The following MAPK8IP2 variants were observed in gnomAD, a reference collection of about 807,000 sequenced individuals.
The protein encoded by MAPK8IP2 is C-Jun-amino-terminal kinase-interacting protein 2.
Under a neutral mutation model 75.6 loss-of-function variants are expected in MAPK8IP2, and 15 were observed. The observed-to-expected ratio is 0.20, with a 90% CI of 0.13 to 0.31. MAPK8IP2 has a LOEUF of 0.31. Among genes scored for constraint, MAPK8IP2 ranks in the 10% least tolerant of loss-of-function variants. The pLI is 1.00. For synonymous variants in MAPK8IP2, 632 were observed against 554.5 expected (o/e 1.14, Z -1.96); for missense variants, 1,089 against 1,211.2 (o/e 0.90, Z 1.50).
At chr22:50,602,959 T>C (rs1189218443) in intron 2 of MAPK8IP2, among the ~76,000 whole-genome samples, 1 of 152,214 alleles carries the variant, frequency 6.6e-6, no homozygotes, top group Non-Finnish European at 1.5e-5. Flanking sequence ...GTTCTGCAGT[T>C]AGATGAGTCT....
chr22:50,603,709 G>A lies in MAPK8IP2; in HGVS notation c.531G>A (p.Glu177=). The change falls in exon 4 of 12, where the codon GAG becomes GAA. Residue 177 remains glutamate, a synonymous_variant. Coordinates refer to ENST00000329492, the MANE Select transcript of MAPK8IP2 (RefSeq NM_012324.6). ...QETALCSPAP[E]ALRELPGPLP... is the part of the protein sequence containing the mutation. ...CAGCGCTATGCTCACCCGCCCCGGA[G>A]GCCCTCAGAGGTGAGGGGTGGTGGG... The A allele has an allele frequency of 6.4e-7, 1 of 1,570,114 alleles. No individual in the cohort carries two copies. The highest frequency in any genetic ancestry group is 8.6e-7 in the Non-Finnish European group (1 of 1,157,780).
At position 50,601,621 on chromosome 22, in the gene MAPK8IP2, G is replaced by A. The variant is rs149154657; in HGVS notation, c.66-168G>A. ...CTCAGATGGGGGAGGGGATCCACAG[G>A]CGAGCAGAGCTTGGGGGTCAAGATG... On this transcript the variant is annotated intron_variant, in intron 1 of 11. Transcript: ENST00000329492. 4.4e-3 allele frequency among the ~76,000 whole-genome samples: 670 copies of A among 152,286 alleles called. 33 individuals carry two copies. In the East Asian group the frequency reaches 0.11, roughly 26 times the overall value.
chr22:50,605,682 G>A lies in MAPK8IP2; in HGVS notation c.1962G>A (p.Val654=). 6.2e-7 allele frequency: 1 copy of A among 1,612,534 alleles called. No homozygotes were observed. The highest frequency in any genetic ancestry group is 8.5e-7 in the Non-Finnish European group (1 of 1,179,630). ...ACATGCGCACGGGGGAGCGCGGTGT[G>A]TTTCCTGCCTTCTACGCCCATGCGG... ...GFNMRTGERG[V]FPAFYAHAVP... The change falls in exon 7 of 12, where the codon GTG becomes GTA. Residue 654 remains valine, a synonymous_variant. Coordinates refer to ENST00000329492, the MANE Select transcript of MAPK8IP2 (RefSeq NM_012324.6).
Position 50,601,784 on chromosome 22 carries a change from T to C in MAPK8IP2, c.66-5T>C. On this transcript the variant is annotated splice_region_variant and splice_polypyrimidine_tract_variant and intron_variant, in intron 1 of 11. Transcript: ENST00000329492. ...GTGGCTCTCTGACCCTGGTCTCCTT[T>C]CCAGGCCTCCCCAGGACATAAGCCT... 5 of 1,612,788 alleles carry C rather than the reference T, an allele frequency of 3.1e-6. No homozygotes were observed. The highest frequency in any genetic ancestry group is 1.7e-4 in the Middle Eastern group (1 of 5,766).
In MAPK8IP2 at chr22:50,603,873, G is replaced by A. The variant is rs1244650444; in HGVS notation, c.574G>A (p.Gly192Arg). The A allele has an allele frequency of 6.5e-7, 1 of 1,533,834 alleles. No individual in the cohort carries two copies. Among genetic ancestry groups the A allele is most frequent in the Non-Finnish European group, 8.8e-7 (1 of 1,142,460 alleles). The change falls in exon 5 of 12, where the codon GGG becomes AGG. Residue 192 changes from glycine to arginine, a missense_variant. Gly to Arg is a moderately radical substitution (Grantham distance 125). Coordinates refer to ENST00000329492, the MANE Select transcript of MAPK8IP2 (RefSeq NM_012324.6). ...LPGPLPATDT[G>R]PGGAQSPVRP... is the part of the protein sequence containing the mutation. ...GGGCCCCCTCCCTGCCACGGACACC[G>A]GGCCCGGCGGGGCGCAGTCGCCAGT...
In MAPK8IP2 at chr22:50,605,932, A is replaced by G; in HGVS notation, c.2122A>G (p.Lys708Glu). ...CGGCATCCTGTGTGCAGCCATGCAG[A>G]AGGTCAGTGTGGAGGCCGGGCAAGT... ...GNGILCAAMQ[K>E]IATARKLTVH... Residue 708 changes from lysine (K) to glutamate (E), a missense_variant and splice_region_variant, in exon 8 of 12, where the codon AAG becomes GAG. Physicochemically the swap from Lys to Glu is moderately conservative, Grantham distance 56. This residue lies in a region of MAPK8IP2 where 129 missense variants were observed against 201.7 expected (regional missense o/e 0.64). Transcript: ENST00000329492. The G allele has an allele frequency of 6.4e-7, 1 of 1,569,828 alleles. No individual in the cohort carries two copies. Among genetic ancestry groups the G allele is most frequent in the Non-Finnish European group, 8.6e-7 (1 of 1,160,328 alleles).
In MAPK8IP2 at chr22:50,610,108, T is replaced by A; in HGVS notation, c.2304-104T>A. On this transcript the variant is annotated intron_variant, in intron 10 of 11. Transcript: ENST00000329492. The surrounding 1 kb of genome is among the most constrained non-coding windows in gnomAD (Gnocchi z 4.3). ...ACCCCCACACTCCTGTCCCTTACCC[T>A]CTCCCCAAGCCCTTTGTTCCTGCCT... The A allele has an allele frequency of 1.2e-6, 1 of 831,644 alleles. No individual in the cohort carries two copies. Among genetic ancestry groups the A allele is most frequent in the South Asian group, 1.4e-5 (1 of 69,662 alleles). The allele number at this position is 831,644 out of a possible 1,614,324, so 51.5% of individuals were successfully genotyped here. A position where few individuals can be genotyped will look rare whatever the true frequency, so the allele number is the denominator to read the frequency against.
intron 10 of MAPK8IP2, among the ~76,000 whole-genome samples, chr22:50,609,442 A>T (rs2071107642): frequency 1.3e-5 from 2 of 152,172 alleles, no homozygotes; most frequent in South Asian, 4.1e-4. Context: ...GCTTATTACC[A>T]TCATGACTTG....
At position 50,607,979 on chromosome 22, in the gene MAPK8IP2, G is replaced by A. The variant is rs746482560; in HGVS notation, c.2303+988G>A. 4.3e-4 allele frequency among the ~76,000 whole-genome samples: 66 copies of A among 152,178 alleles called. No homozygotes were observed. Among genetic ancestry groups the A allele is most frequent in the Non-Finnish European group, 8.4e-4 (57 of 68,020 alleles). Reference sequence around the variant, plus strand: ...AGCACCCTAGAGGAAGGAGATCTGGGAGGAACCAGAGAGGCAGAGCCAGCC... The same window carrying A: ...AGCACCCTAGAGGAAGGAGATCTGGAAGGAACCAGAGAGGCAGAGCCAGCC... On this transcript the variant is annotated intron_variant, in intron 10 of 11. Transcript: ENST00000329492. The surrounding 1 kb of genome is among the most constrained non-coding windows in gnomAD (Gnocchi z 5.6).
Position 50,607,104 on chromosome 22 carries a change from C to T in MAPK8IP2, c.2303+113C>T. 3.7e-6 allele frequency: 3 copies of T among 807,766 alleles called. No individual in the cohort carries two copies. The South Asian group carries it at 4.4e-5, about 12-fold the overall frequency. The allele number at this position is 807,766 out of a possible 1,614,324, so 50.0% of individuals were successfully genotyped here. A position where few individuals can be genotyped will look rare whatever the true frequency, so the allele number is the denominator to read the frequency against. On this transcript the variant is annotated intron_variant, in intron 10 of 11. Transcript: ENST00000329492. This position sits in a 1 kb window ranked among gnomAD's most constrained non-coding sequence, Gnocchi z 5.6. ...GGCTGCCCGTGCCCAGCCCTGAGAG[C>T]TCCACCTGCACCCACTTAGCTCTGT...
rs530035375 is a variant in MAPK8IP2 at position 50,605,384 on chromosome 22, C to T, written c.1782C>T (p.Gly594=). 6 of 1,613,596 alleles carry T rather than the reference C, an allele frequency of 3.7e-6. No homozygotes were observed. In the Admixed American group the frequency reaches 6.7e-5, roughly 18 times the overall value. ...TSRSSSTESF[G]LFSCLVNGEE... ...GTCTCCCAGGCACCGAGTCCTTTGG[C>T]CTTTTCTCCTGTCTGGTCAACGGCG... The change falls in exon 6 of 12, where the codon GGC becomes GGT. Residue 594 remains glycine (G), a synonymous_variant. Coordinates refer to ENST00000329492, the MANE Select transcript of MAPK8IP2 (RefSeq NM_012324.6).
Position 50,610,973 on chromosome 22 carries a change from G to T in MAPK8IP2, c.*194G>T. The T allele has an allele frequency of 3.6e-6, 2 of 552,226 alleles. No homozygotes were observed. The highest frequency in any genetic ancestry group is 6.5e-6 in the Non-Finnish European group (2 of 308,774). The allele number at this position is 552,226 out of a possible 1,614,324, so 34.2% of individuals were successfully genotyped here. A position where few individuals can be genotyped will look rare whatever the true frequency, so the allele number is the denominator to read the frequency against. ...GCTGTTGGGGCTGCGGGGGAGTGGA[G>T]CCCCCGTGCCCCTGCTTTTCCTCAG... On this transcript the variant is annotated 3_prime_UTR_variant, in exon 12 of 12. Transcript: ENST00000329492. This position sits in a 1 kb window ranked among gnomAD's most constrained non-coding sequence, Gnocchi z 4.3.
rs2071148587 is a variant in MAPK8IP2, at chr22:50,611,419, G to T, written c.*640G>T. 6.6e-6 allele frequency: 1 copy of T among 152,122 alleles called. No homozygotes were observed. The highest frequency in any genetic ancestry group is 6.5e-5 in the Admixed American group (1 of 15,288). The allele number at this position is 152,122 out of a possible 1,614,324, so 9.4% of individuals were successfully genotyped here. A position where few individuals can be genotyped will look rare whatever the true frequency, so the allele number is the denominator to read the frequency against. On this transcript the variant is annotated 3_prime_UTR_variant, in exon 12 of 12. Transcript: ENST00000329492. The surrounding 1 kb of genome is among the most constrained non-coding windows in gnomAD (Gnocchi z 5.5). ...GCTGCTAGGAGGGGGGGCCCTCCTG[G>T]GCCCCCAATACCCCTCCGCTTGCCG... is the stretch of plus-strand genomic sequence containing the variant.
At chr22:50,601,694 G>A (rs1441750176) in intron 1 of MAPK8IP2, 95 bp from the exon 2 acceptor site, 3 of 839,282 alleles carry the variant, frequency 3.6e-6, no homozygotes, top group Non-Finnish European at 6.1e-6. Context: ...ACCACTGGGT[G>A]TAGGAGCTGA....
In MAPK8IP2 at chr22:50,604,043, G is replaced by A; in HGVS notation, c.744G>A (p.Glu248=). 1.3e-6 allele frequency: 2 copies of A among 1,546,820 alleles called. No individual in the cohort carries two copies. Among genetic ancestry groups the A allele is most frequent in the South Asian group, 2.4e-5 (2 of 84,288 alleles). The change falls in exon 5 of 12, where the codon GAG becomes GAA. Residue 248 remains glutamate, a synonymous_variant. Coordinates refer to ENST00000329492, the MANE Select transcript of MAPK8IP2 (RefSeq NM_012324.6). ...GCGGGGGACGTCGCAGCAGCCAGGAGCTGTCCTCGCCCGGCTCCGACTCGG... is the reference window on the plus strand; with the variant it reads ...GCGGGGGACGTCGCAGCAGCCAGGAACTGTCCTCGCCCGGCTCCGACTCGG... ...GGRGGRRSSQ[E]LSSPGSDSED...
rs765509141 is a variant in MAPK8IP2 at position 50,607,024 on chromosome 22, C to G, written c.2303+33C>G. Reference sequence around the variant, plus strand: ...TCTGACCGTCCCCGAGTCCCCCAACCGCCCCCACAAACCCTGAGAGTCCAA... The same window carrying G: ...TCTGACCGTCCCCGAGTCCCCCAACGGCCCCCACAAACCCTGAGAGTCCAA... On this transcript the variant is annotated intron_variant, in intron 10 of 11. Transcript: ENST00000329492. This position sits in a 1 kb window ranked among gnomAD's most constrained non-coding sequence, Gnocchi z 5.6. 6.3e-7 allele frequency: 1 copy of G among 1,583,420 alleles called. No homozygotes were observed.
intron 2 of MAPK8IP2, 50 bp downstream of exon 2, chr22:50,601,944 A>C (rs1025671966): frequency 1.3e-6 from 2 of 1,482,796 alleles, no homozygotes; most frequent in African/African-American, 1.4e-5. Context: ...GGGCCTCATT[A>C]GGTTCTTCTT....
At chr22:50,601,132 C>T (rs1019963611) in intron 1 of MAPK8IP2, 1 of 159,076 alleles carries the variant, frequency 6.3e-6, no homozygotes, top group Non-Finnish European at 1.4e-5. Flanking sequence ...TGAGCCGCGC[C>T]CGGCCTGGAC....
intron 10 of MAPK8IP2, among the ~76,000 whole-genome samples, chr22:50,609,513 G>A (rs1352515153): frequency 6.6e-6 from 1 of 152,010 alleles, no homozygotes; most frequent in Non-Finnish European, 1.5e-5. Context: ...ACACTGTCCT[G>A]GCAAGCAGAC....
Sources: gnomAD v4.1 joint callset for allele counts (sites outside exome capture counted in the v4.1 genomes callset) on GRCh38, gnomAD v4.1.1 for gene constraint, gnomAD v4.1.1 regional missense constraint, Gnocchi (gnomAD v3.1) non-coding constraint, MANE v1.5 for transcripts, NCBI Gene and HGNC (gene_info 2026-07-23, HGNC 2026-07-21) for gene names.